PAPPA2: variants seen among roughly 807,000 people sequenced by gnomAD.
The protein encoded by PAPPA2 is pappalysin 2, also known as pappalysin-2.
A neutral mutation model predicts 176.4 loss-of-function variants in PAPPA2; 86 were observed. The ratio of observed to expected loss-of-function variants is 0.49; its 90% CI spans 0.41 to 0.58. The LOEUF is 0.58. Ranked by LOEUF, PAPPA2 falls within the 20% of genes least tolerant of loss-of-function variation. The pLI is 0.00. For missense variants in PAPPA2, 2,073 were observed against 2,256.9 expected, an observed-to-expected ratio of 0.92 and a Z score of 1.65; for synonymous variants, 809 against 852.2, an observed-to-expected ratio of 0.95 and a Z score of 0.88.
At chr1:176,798,825 G>A (rs1245481935) in intron 20 of PAPPA2, among the ~76,000 whole-genome samples, 1 of 152,156 alleles carries the variant, frequency 6.6e-6, no homozygotes, top group Non-Finnish European at 1.5e-5. Context: ...ATTGCAATAT[G>A]AAGTTTTGAA....
At chr1:176,757,298 G>T (rs1210127528) in intron 14 of PAPPA2, among the ~76,000 whole-genome samples, 3 of 152,164 alleles carry the variant, frequency 2.0e-5, no homozygotes, top group African/African-American at 7.2e-5. Flanking sequence ...TTCCACAATG[G>T]TTAAACTAAT....
At chr1:176,749,427 A>G (rs1016562781) in intron 14 of PAPPA2, among the ~76,000 whole-genome samples, 9 of 152,228 alleles carry the variant, frequency 5.9e-5, no homozygotes, top group African/African-American at 2.2e-4. Flanking sequence ...GTTACAACTG[A>G]TGAACCTACG....
chr1:176,568,804 T>C (rs1263641034), intron 2 of PAPPA2, among the ~76,000 whole-genome samples: 2 of 152,198 alleles, frequency 1.3e-5, no homozygotes, highest in African/African-American at 4.8e-5. Flanking sequence ...AAGCTAAGTT[T>C]CGGTCACAAT....
intron 12 of PAPPA2, among the ~76,000 whole-genome samples, chr1:176,726,812 A>C (rs1306782588): frequency 1.3e-5 from 2 of 152,242 alleles, no homozygotes; most frequent in Non-Finnish European, 2.9e-5. Flanking sequence ...GGAGTGGTCT[A>C]GGGATCACCA....
At chr1:176,734,734 A>T (rs1427143747) in intron 12 of PAPPA2, among the ~76,000 whole-genome samples, 2 of 152,146 alleles carry the variant, frequency 1.3e-5, no homozygotes, top group Non-Finnish European at 2.9e-5. Flanking sequence ...ATTAGGTTGA[A>T]CCAGAAGAAA....
At chr1:176,613,834 T>C (rs989170474) in intron 3 of PAPPA2, among the ~76,000 whole-genome samples, 7 of 152,096 alleles carry the variant, frequency 4.6e-5, no homozygotes, top group Non-Finnish European at 1.0e-4. Flanking sequence ...AAATGGGTAA[T>C]GTGACCTCCA....
At chr1:176,765,906 T>C in intron 15 of PAPPA2, 69 bp downstream of exon 15, 1 of 1,551,344 alleles carries the variant, frequency 6.4e-7, no homozygotes, top group African/African-American at 1.4e-5. Flanking sequence ...CTCTTCTCTC[T>C]GGCTCCACAG....
intron 14 of PAPPA2, among the ~76,000 whole-genome samples, chr1:176,750,371 A>G (rs1663110241): frequency 1.3e-5 from 2 of 152,112 alleles, no homozygotes; most frequent in African/African-American, 4.8e-5. Context: ...TTGGGAGGCC[A>G]AGGCAGGAGA....
At chr1:176,773,598 G>A (rs1054346706) in intron 17 of PAPPA2, among the ~76,000 whole-genome samples, 1 of 152,174 alleles carries the variant, frequency 6.6e-6, no homozygotes, top group Non-Finnish European at 1.5e-5. Flanking sequence ...ATGTATCTCA[G>A]TTTTTGCATC....
intron 1 of PAPPA2, among the ~76,000 whole-genome samples, chr1:176,509,859 C>CA (rs139282195): frequency 0.11 from 16,864 of 147,506 alleles, 983 homozygotes; most frequent in Middle Eastern, 0.22. Flanking sequence ...AACAAACAAA[C>CA]AAAAAAAAAC....
intron 1 of PAPPA2, among the ~76,000 whole-genome samples, chr1:176,501,407 C>T (rs1467593231): frequency 6.6e-6 from 1 of 152,138 alleles, no homozygotes; most frequent in Non-Finnish European, 1.5e-5. Context: ...TGAAGTTGTC[C>T]TGTCCCTCTT....
chr1:176,514,662 C>A (rs1051089062), intron 1 of PAPPA2, among the ~76,000 whole-genome samples: 2 of 152,168 alleles, frequency 1.3e-5, no homozygotes, highest in Admixed American at 1.3e-4. Flanking sequence ...ACAAATTATA[C>A]GACTTAAAAA....
chr1:176,661,698 C>T (rs116820987), intron 3 of PAPPA2, among the ~76,000 whole-genome samples: 157 of 152,012 alleles, frequency 1.0e-3, no homozygotes, highest in African/African-American at 3.6e-3. Flanking sequence ...CCTTTTAACT[C>T]TAACATGAAG....
At chr1:176,538,051 G>A (rs2206508) in intron 1 of PAPPA2, among the ~76,000 whole-genome samples, 104,445 of 151,760 alleles carry the variant, frequency 0.69, 36,437 homozygotes, top group East Asian at 0.95. Flanking sequence ...GAAGACTCTC[G>A]CCTCAACTCT....
chr1:176,539,352 A>C (rs1000233510), intron 1 of PAPPA2, among the ~76,000 whole-genome samples: 1 of 152,206 alleles, frequency 6.6e-6, no homozygotes. Context: ...GGCTCATGTC[A>C]TGGTGGCCTG....
At chr1:176,657,620 G>A (rs1658103954) in intron 3 of PAPPA2, among the ~76,000 whole-genome samples, 1 of 151,920 alleles carries the variant, frequency 6.6e-6, no homozygotes, top group Non-Finnish European at 1.5e-5. Flanking sequence ...GGAAGAGGAA[G>A]AGTCCAAAAT....
intron 2 of PAPPA2, among the ~76,000 whole-genome samples, chr1:176,587,921 A>G (rs548644420): frequency 5.3e-5 from 8 of 152,334 alleles, no homozygotes; most frequent in Admixed American, 5.2e-4. Context: ...AGAAATTTAA[A>G]ATAGTTTTTT....
intron 1 of PAPPA2, among the ~76,000 whole-genome samples, chr1:176,480,872 C>T (rs146620919): frequency 2.0e-4 from 31 of 152,108 alleles, no homozygotes; most frequent in Middle Eastern, 6.8e-3. Context: ...GCCAGTCACC[C>T]GACTGTGCAC....
chr1:176,700,174 T>G (rs1273941829), intron 8 of PAPPA2, among the ~76,000 whole-genome samples: 2 of 152,188 alleles, frequency 1.3e-5, no homozygotes, highest in African/African-American at 2.4e-5. Flanking sequence ...CTTCCTACAT[T>G]TAGTGAGTTC....
Sources: gnomAD v4.1 joint callset for allele counts (sites outside exome capture counted in the v4.1 genomes callset) on GRCh38, gnomAD v4.1.1 for gene constraint, MANE v1.5 for transcripts, NCBI Gene and HGNC (gene_info 2026-07-23, HGNC 2026-07-21) for gene names.